Variants in DLG2 observed in about 807,000 individuals in gnomAD.
The protein encoded by DLG2 is discs large MAGUK scaffold protein 2, also known as disks large homolog 2.
In DLG2, 45 loss-of-function variants were observed where a neutral mutation model predicts 132.5. The observed-to-expected ratio is 0.34, with a 90% confidence interval of 0.27 to 0.44. DLG2 has a LOEUF of 0.44. Among genes scored for constraint, DLG2 ranks in the 20% least tolerant of loss-of-function variants. The probability of loss-of-function intolerance (pLI) is 1.00; values close to 1 mark genes in which losing one functional copy is unlikely to be tolerated. For missense variants in DLG2, 1,045 were observed against 1,196.9 expected, an observed-to-expected ratio of 0.87 and a Z score of 1.87; for synonymous variants, 424 against 419.6, an observed-to-expected ratio of 1.01 and a Z score of -0.13.
At chr11:85,107,700 C>T (rs1406580751) in intron 6 of DLG2, among the ~76,000 whole-genome samples, 1 of 151,756 alleles carries the variant, frequency 6.6e-6, no homozygotes, top group Non-Finnish European at 1.5e-5. Context: ...GGCATATAAT[C>T]AATTTAAATT....
intron 6 of DLG2, among the ~76,000 whole-genome samples, chr11:85,058,670 G>T (rs1452168022): frequency 6.6e-6 from 1 of 151,456 alleles, no homozygotes; most frequent in East Asian, 1.9e-4. Context: ...TGCTCAGTTT[G>T]CATAAGGACA....
At chr11:85,027,060 T>C (rs966594483) in intron 6 of DLG2, among the ~76,000 whole-genome samples, 1 of 151,012 alleles carries the variant, frequency 6.6e-6, no homozygotes, top group African/African-American at 2.4e-5. Context: ...GTCCACATTA[T>C]AAAATAATAG....
chr11:83,921,588 T>C (rs1835092978), intron 15 of DLG2, among the ~76,000 whole-genome samples: 1 of 152,124 alleles, frequency 6.6e-6, no homozygotes, highest in African/African-American at 2.4e-5. Context: ...GCAATGGGTG[T>C]TATGGTTTAA....
intron 13 of DLG2, 119 bp downstream of exon 13, chr11:83,965,205 G>T: frequency 8.9e-7 from 1 of 1,122,536 alleles, no homozygotes; most frequent in Non-Finnish European, 1.3e-6. Context: ...TACTCCCTCT[G>T]AAGTATTTCC....
At chr11:85,365,624 A>G (rs2084487594) in intron 3 of DLG2, among the ~76,000 whole-genome samples, 1 of 152,220 alleles carries the variant, frequency 6.6e-6, no homozygotes, top group Non-Finnish European at 1.5e-5. Context: ...CTATAAAGAC[A>G]CATGCACATG....
chr11:84,612,424 G>A (rs553433315), intron 6 of DLG2, among the ~76,000 whole-genome samples: 17 of 152,060 alleles, frequency 1.1e-4, no homozygotes, highest in South Asian at 8.3e-4. Flanking sequence ...GTAGACATAC[G>A]CATTCATTTC....
intron 6 of DLG2, among the ~76,000 whole-genome samples, chr11:84,730,397 T>G (rs1370246120): frequency 6.6e-6 from 1 of 152,088 alleles, no homozygotes; most frequent in Non-Finnish European, 1.5e-5. Context: ...ATAATATCCA[T>G]TTGTCCACTC....
intron 6 of DLG2, among the ~76,000 whole-genome samples, chr11:84,766,977 T>C (rs1432344745): frequency 6.6e-6 from 1 of 152,056 alleles, no homozygotes; most frequent in Non-Finnish European, 1.5e-5. Context: ...AACATTGGCT[T>C]TGGAATTTAC....
chr11:84,835,337 C>T (rs2079603631), intron 6 of DLG2, among the ~76,000 whole-genome samples: 3 of 151,570 alleles, frequency 2.0e-5, no homozygotes, highest in South Asian at 4.2e-4. Context: ...TTTAATCTTC[C>T]TGTGTTTGCT....
intron 3 of DLG2, among the ~76,000 whole-genome samples, chr11:85,549,989 T>C (rs962766750): frequency 4.6e-5 from 7 of 152,114 alleles, no homozygotes; most frequent in Non-Finnish European, 8.8e-5. Flanking sequence ...AAATTAACAA[T>C]AAATATAAGC....
intron 7 of DLG2, among the ~76,000 whole-genome samples, chr11:84,317,942 T>G (rs1434709513): frequency 1.3e-5 from 2 of 152,218 alleles, no homozygotes; most frequent in African/African-American, 4.8e-5. Flanking sequence ...TCTTTCTTAT[T>G]CAAAGCAAGG....
chr11:84,161,288 G>T (rs2095541371), intron 9 of DLG2, among the ~76,000 whole-genome samples: 1 of 152,052 alleles, frequency 6.6e-6, no homozygotes, highest in Non-Finnish European at 1.5e-5. Context: ...GGAAGAGAGG[G>T]CATAAAGAAA....
chr11:84,550,992 C>G (rs2099400712), intron 6 of DLG2, among the ~76,000 whole-genome samples: 1 of 152,136 alleles, frequency 6.6e-6, no homozygotes, highest in African/African-American at 2.4e-5. Flanking sequence ...TAGGCAACCA[C>G]TGTGAATTGT....
chr11:84,207,199 T>C (rs1165168485), intron 8 of DLG2, among the ~76,000 whole-genome samples: 2 of 151,920 alleles, frequency 1.3e-5, no homozygotes, highest in Non-Finnish European at 2.9e-5. Context: ...AGACTCAATA[T>C]TGTAGAGAGG....
intron 7 of DLG2, among the ~76,000 whole-genome samples, chr11:84,403,178 C>T (rs186434169): frequency 2.6e-5 from 4 of 152,150 alleles, no homozygotes; most frequent in East Asian, 3.9e-4. Context: ...AGTAGGTTAA[C>T]ATTTAAAATA....
At chr11:83,676,171 C>G (rs757337281) in intron 18 of DLG2, among the ~76,000 whole-genome samples, 2 of 152,124 alleles carry the variant, frequency 1.3e-5, no homozygotes, top group Admixed American at 6.5e-5. Flanking sequence ...CCAGTCTCTT[C>G]AAAGTGAATT....
intron 5 of DLG2, among the ~76,000 whole-genome samples, chr11:85,145,486 A>G (rs192603334): frequency 6.6e-6 from 1 of 152,106 alleles, no homozygotes; most frequent in African/African-American, 2.4e-5. Context: ...ACTGTTTTCT[A>G]GATCTCATAG....
At chr11:85,585,532 A>G (rs1263390254) in intron 3 of DLG2, among the ~76,000 whole-genome samples, 1 of 152,110 alleles carries the variant, frequency 6.6e-6, no homozygotes, top group Non-Finnish European at 1.5e-5. Context: ...CCCATTCAGT[A>G]TAATGTTTGC....
rs141052604 is a variant in DLG2, at chr11:85,200,024, C to CACA, written c.187-45376_187-45374dup. On this transcript the variant is annotated intron_variant, in intron 4 of 27. Coordinates refer to ENST00000376104, the MANE Select transcript of DLG2 (RefSeq NM_001142699.3). ...TAAGAACAAACATGCTCATTTCCCC[C>CACA]ACAACAACAACAAGAATTCTGTACT... 4.2e-3 allele frequency among the ~76,000 whole-genome samples: 635 copies of CACA among 151,858 alleles called. 5 individuals are homozygous for CACA. The highest frequency in any genetic ancestry group is 0.015 in the African/African-American group (610 of 41,346).
Sources: allele counts gnomAD v4.1 joint callset (sites outside exome capture counted in the v4.1 genomes callset), GRCh38; gene constraint gnomAD v4.1.1; transcripts MANE v1.5; gene names NCBI Gene and HGNC (gene_info 2026-07-23, HGNC 2026-07-21).